Variants in SLC35F2 observed in about 807,000 individuals in gnomAD.
SLC35F2 encodes the protein solute carrier family 35 member F2.
A neutral mutation model predicts 38.1 loss-of-function variants in SLC35F2; 25 were observed. The ratio of observed to expected loss-of-function variants is 0.66; its 90% CI spans 0.48 to 0.92. The LOEUF (loss-of-function observed/expected upper bound fraction) is 0.92, where lower values mean the gene tolerates loss of function less well. SLC35F2 is among the 40% of genes least tolerant of loss of function. The pLI, the probability that SLC35F2 is intolerant of heterozygous loss-of-function variation, is 0.00. For missense variants in SLC35F2, 409 were observed against 452.9 expected (o/e 0.90, Z 0.88); for synonymous variants, 173 against 181.7 (o/e 0.95, Z 0.38).
At chr11:107,813,228 T>C (rs1169232371) in intron 2 of SLC35F2, among the ~76,000 whole-genome samples, 3 of 152,136 alleles carry the variant, frequency 2.0e-5, no homozygotes, top group Non-Finnish European at 4.4e-5. Context: ...GCAGATCACC[T>C]GAGGTCAGGA....
intron 1 of SLC35F2, among the ~76,000 whole-genome samples, chr11:107,854,552 A>G (rs1007944884): frequency 1.3e-5 from 2 of 152,188 alleles, no homozygotes; most frequent in African/African-American, 4.8e-5. Context: ...TAAATCACAA[A>G]AGCCAAAATT....
intron 1 of SLC35F2, among the ~76,000 whole-genome samples, chr11:107,839,607 C>T (rs1228774021): frequency 6.6e-6 from 1 of 152,184 alleles, no homozygotes; most frequent in Admixed American, 6.5e-5. Flanking sequence ...TGTATGATAT[C>T]CTTCTCTTTG....
chr11:107,858,668 GTT>G lies in SLC35F2; in HGVS notation c.98_99del (p.Lys33ThrfsTer65), dbSNP rs764132633. On this transcript the variant is annotated frameshift_variant, in exon 1 of 8. Transcript: ENST00000525815. LOFTEE classifies it high-confidence loss of function. ...GCCCCTTCCACTCACCAGGTGAAGA[GTT>G]TGCCTTTTATCCTGCGCAGCAGGCT... ...FSSLLRRIKG[K>X]LFTWNILKTI... 2 of 1,300,722 alleles carry G rather than the reference GTT, an allele frequency of 1.5e-6. No individual in the cohort carries two copies. Among genetic ancestry groups the G allele is most frequent in the Admixed American group, 6.4e-5 (2 of 31,028 alleles). 80.6% of individuals were successfully genotyped at this position (1,300,722 alleles called of 1,614,324 possible).
intron 3 of SLC35F2, among the ~76,000 whole-genome samples, chr11:107,809,155 T>TATCA (rs1859442933): frequency 6.6e-6 from 1 of 152,066 alleles, no homozygotes; most frequent in Non-Finnish European, 1.5e-5. Context: ...ATCTGATATC[T>TATCA]ATCACCTTTA....
chr11:107,831,750 G>A (rs1236326025), intron 1 of SLC35F2, among the ~76,000 whole-genome samples: 1 of 152,204 alleles, frequency 6.6e-6, no homozygotes, highest in Non-Finnish European at 1.5e-5. Flanking sequence ...GTAAGTGTAA[G>A]TTTGAACAGC....
chr11:107,827,945 A>G (rs1423163694), intron 1 of SLC35F2, among the ~76,000 whole-genome samples: 1 of 152,168 alleles, frequency 6.6e-6, no homozygotes, highest in Non-Finnish European at 1.5e-5. Context: ...GTAAACAAAA[A>G]TAAAAAGAAC....
At chr11:107,808,929 A>C (rs1193315016) in intron 3 of SLC35F2, among the ~76,000 whole-genome samples, 1 of 152,162 alleles carries the variant, frequency 6.6e-6, no homozygotes, top group Non-Finnish European at 1.5e-5. Flanking sequence ...CTTAAAATCA[A>C]ACTTAAATTT....
intron 2 of SLC35F2, among the ~76,000 whole-genome samples, chr11:107,815,392 A>AAT (rs1210606006): frequency 1.4e-5 from 2 of 143,346 alleles, no homozygotes; most frequent in Admixed American, 6.8e-5. Flanking sequence ...TCTAAAATAA[A>AAT]AAAAAAAAAA....
intron 2 of SLC35F2, among the ~76,000 whole-genome samples, chr11:107,814,010 ATAAATTACTCTAATT>A (rs1591192122): frequency 6.6e-6 from 1 of 152,120 alleles, no homozygotes; most frequent in African/African-American, 2.4e-5. Context: ...ATGGGATGAA[ATAAATTACTCTAATT>A]TCCTAAGTGT....
At chr11:107,818,116 GAAAGAAAGAAAGA>G (rs1859612303) in intron 1 of SLC35F2, among the ~76,000 whole-genome samples, 1 of 139,502 alleles carries the variant, frequency 7.2e-6, no homozygotes, top group Non-Finnish European at 1.6e-5. Context: ...AAGAAAGAAA[GAAAGAAAGAAAGA>G]AAGAAAAAGA....
At chr11:107,825,610 C>T (rs187375451) in intron 1 of SLC35F2, among the ~76,000 whole-genome samples, 37 of 152,050 alleles carry the variant, frequency 2.4e-4, no homozygotes, top group South Asian at 8.3e-4. Context: ...ACCTCGTGAT[C>T]CGCCCACCTC....
At chr11:107,800,903 C>CTTTTTTTTTT (rs71303238) in intron 7 of SLC35F2, among the ~76,000 whole-genome samples, 1 of 126,178 alleles carries the variant, frequency 7.9e-6, no homozygotes, top group Admixed American at 8.4e-5. Flanking sequence ...GCTATTACTA[C>CTTTTTTTTTT]TTTTTTTTTT....
chr11:107,830,020 G>A (rs1406813859), intron 1 of SLC35F2, among the ~76,000 whole-genome samples: 1 of 151,946 alleles, frequency 6.6e-6, no homozygotes, highest in Non-Finnish European at 1.5e-5. Context: ...TAGCACGTTG[G>A]GAAGGCCAAG....
chr11:107,803,286 C>A, intron 6 of SLC35F2, 131 bp from the exon 7 acceptor site: 1 of 1,308,734 alleles, frequency 7.6e-7, no homozygotes. Flanking sequence ...TGTTAACAGT[C>A]AGCATTGAAA....
At position 107,835,090 on chromosome 11, in the gene SLC35F2, A is replaced by C. The variant is rs143415325; in HGVS notation, c.111-19125T>G. ...CAGAAAATCAAACGGGTGCTAGTTA[A>C]AGAGGCCAACAATCAATGCCTTAAA... On this transcript the variant is annotated intron_variant, in intron 1 of 7. Coordinates refer to ENST00000525815, the MANE Select transcript of SLC35F2 (RefSeq NM_017515.5). 3.5e-3 allele frequency among the ~76,000 whole-genome samples: 531 copies of C among 152,346 alleles called. 2 individuals carry two copies. Among genetic ancestry groups the C allele is most frequent in the Non-Finnish European group, 4.1e-3 (281 of 68,028 alleles).
At chr11:107,852,144 G>A (rs980572744) in intron 1 of SLC35F2, among the ~76,000 whole-genome samples, 2 of 152,162 alleles carry the variant, frequency 1.3e-5, no homozygotes, top group African/African-American at 4.8e-5. Context: ...TTGGCCAGGC[G>A]TGGTGGCTCA....
At chr11:107,809,708 A>G (rs1859452585) in intron 3 of SLC35F2, 1 of 982,350 alleles carries the variant, frequency 1.0e-6, no homozygotes. Context: ...ATTTTTAAAA[A>G]TTATTGTATA....
At chr11:107,843,909 G>A (rs866591940) in intron 1 of SLC35F2, among the ~76,000 whole-genome samples, 1,572 of 98,156 alleles carry the variant, frequency 0.016, 40 homozygotes, top group African/African-American at 0.056. Flanking sequence ...ATATATATAT[G>A]TATATTAATT....
intron 1 of SLC35F2, among the ~76,000 whole-genome samples, chr11:107,845,324 T>A (rs1860088941): frequency 6.6e-6 from 1 of 152,090 alleles, no homozygotes; most frequent in South Asian, 2.1e-4. Flanking sequence ...ACACTTGTAA[T>A]CCCAGCACTT....
Sources: allele counts gnomAD v4.1 joint callset (sites outside exome capture counted in the v4.1 genomes callset), GRCh38; gene constraint gnomAD v4.1.1; transcripts MANE v1.5; gene names NCBI Gene and HGNC (gene_info 2026-07-23, HGNC 2026-07-21).